APBA1: variants seen among roughly 807,000 people sequenced by gnomAD.
APBA1 encodes amyloid beta precursor protein binding family A member 1, also known as amyloid-beta A4 precursor protein-binding family A member 1.
Under a neutral mutation model 86.6 loss-of-function variants are expected in APBA1, and 55 were observed. The observed-to-expected ratio is 0.64, with a 90% CI of 0.51 to 0.80. The LOEUF (loss-of-function observed/expected upper bound fraction) is 0.80, where lower values mean the gene tolerates loss of function less well. Among genes scored for constraint, APBA1 ranks in the 30% least tolerant of loss-of-function variants. APBA1 has a pLI of 0.00. For synonymous variants in APBA1, 511 were observed against 493.9 expected, an observed-to-expected ratio of 1.03 and a Z score of -0.46; for missense variants, 1,090 against 1,183.0, an observed-to-expected ratio of 0.92 and a Z score of 1.15.
intron 1 of APBA1, among the ~76,000 whole-genome samples, chr9:69,554,434 T>G (rs1588359999): frequency 6.6e-6 from 1 of 152,228 alleles, no homozygotes; most frequent in East Asian, 1.9e-4. Context: ...GCACCATATA[T>G]TCTATACTTG....
intron 1 of APBA1, among the ~76,000 whole-genome samples, chr9:69,558,231 T>C (rs1836892239): frequency 6.6e-6 from 1 of 152,156 alleles, no homozygotes; most frequent in Non-Finnish European, 1.5e-5. Flanking sequence ...CCCCTTTGCT[T>C]TGTGTTATTT....
chr9:69,591,108 G>A (rs1461168006), intron 1 of APBA1, among the ~76,000 whole-genome samples: 1 of 152,160 alleles, frequency 6.6e-6, no homozygotes, highest in Non-Finnish European at 1.5e-5. Context: ...GGCAGCCGAG[G>A]GAGGAGAGAG....
chr9:69,545,034 C>T (rs9314701), intron 1 of APBA1, among the ~76,000 whole-genome samples: 6,195 of 152,314 alleles, frequency 0.041, 451 homozygotes, highest in African/African-American at 0.14. Context: ...TTTCTTCCCC[C>T]TGGCCTTAGC....
chr9:69,577,211 A>G (rs1821820945), intron 1 of APBA1, among the ~76,000 whole-genome samples: 1 of 152,350 alleles, frequency 6.6e-6, no homozygotes, highest in East Asian at 1.9e-4. Flanking sequence ...ATAGAAGACT[A>G]GAATTTACTC....
chr9:69,512,438 C>A (rs942499332), intron 2 of APBA1, among the ~76,000 whole-genome samples: 2 of 152,170 alleles, frequency 1.3e-5, no homozygotes, highest in African/African-American at 4.8e-5. Context: ...CGGTGGCTGA[C>A]AAATGGCAAT....
At chr9:69,577,305 T>C (rs1222334653) in intron 1 of APBA1, among the ~76,000 whole-genome samples, 1 of 152,228 alleles carries the variant, frequency 6.6e-6, no homozygotes, top group Non-Finnish European at 1.5e-5. Flanking sequence ...TGAGTCATCA[T>C]GAGTAGACAG....
chr9:69,634,982 CT>C (rs1374540259), intron 1 of APBA1, among the ~76,000 whole-genome samples: 2 of 152,078 alleles, frequency 1.3e-5, no homozygotes, highest in African/African-American at 4.8e-5. Flanking sequence ...AAAGAAAGTA[CT>C]TCAGTCTGAA....
chr9:69,629,768 G>A (rs1175789562), intron 1 of APBA1, among the ~76,000 whole-genome samples: 2 of 152,148 alleles, frequency 1.3e-5, no homozygotes, highest in Non-Finnish European at 1.5e-5. Context: ...AGACTATCAG[G>A]GTCCCTGCTT....
intron 1 of APBA1, among the ~76,000 whole-genome samples, chr9:69,520,755 C>G (rs529029401): frequency 6.6e-5 from 10 of 152,148 alleles, no homozygotes; most frequent in Non-Finnish European, 1.3e-4. Context: ...ACTGAATCAT[C>G]TCCTTCCCTT....
rs1011839251 is a variant in APBA1, at chr9:69,622,844, C to A, written c.-70+49309G>T. On this transcript the variant is annotated intron_variant, in intron 1 of 12. Coordinates refer to ENST00000265381, the MANE Select transcript of APBA1 (RefSeq NM_001163.4). ...AGGGATGATTGGTATAATTTCCCAA[C>A]TTCTCATGACAAACCCTTCTGATGT... 4.6e-5 allele frequency among the ~76,000 whole-genome samples: 7 copies of A among 152,178 alleles called. No individual in the cohort carries two copies. In the South Asian group the frequency reaches 6.2e-4, roughly 13 times the overall value.
At chr9:69,441,346 A>G (rs1056030540) in intron 10 of APBA1, among the ~76,000 whole-genome samples, 3 of 152,132 alleles carry the variant, frequency 2.0e-5, no homozygotes, top group African/African-American at 7.2e-5. Context: ...CCACGCACAG[A>G]TGGGGTTCCT....
intron 1 of APBA1, among the ~76,000 whole-genome samples, chr9:69,643,050 TC>T (rs1823321567): frequency 6.8e-6 from 1 of 147,052 alleles, no homozygotes; most frequent in South Asian, 2.2e-4. Context: ...ACACCCCTCC[TC>T]CCCCCTCCAC....
chr9:69,608,624 T>C lies in APBA1; in HGVS notation c.-70+63529A>G, dbSNP rs142066278. 2.6e-5 allele frequency among the ~76,000 whole-genome samples: 4 copies of C among 152,304 alleles called. No individual in the cohort carries two copies. In the East Asian group the frequency reaches 7.7e-4, roughly 29 times the overall value. On this transcript the variant is annotated intron_variant, in intron 1 of 12. Coordinates refer to ENST00000265381, the MANE Select transcript of APBA1 (RefSeq NM_001163.4). ...ACATAAAAGAGGGCACAAAGGAACA[T>C]CTGTAAATACTGTTGCCTTTAAGAG...
At chr9:69,553,384 T>C (rs575256803) in intron 1 of APBA1, among the ~76,000 whole-genome samples, 5 of 152,280 alleles carry the variant, frequency 3.3e-5, no homozygotes, top group African/African-American at 1.2e-4. Context: ...CTTACCCCTA[T>C]AGGTAACTGC....
intron 3 of APBA1, among the ~76,000 whole-genome samples, chr9:69,474,068 T>A (rs1221536558): frequency 6.6e-6 from 1 of 152,246 alleles, no homozygotes; most frequent in Non-Finnish European, 1.5e-5. Flanking sequence ...GAACATCAGT[T>A]GATCCTTAAC....
At chr9:69,608,779 T>A (rs564579756) in intron 1 of APBA1, among the ~76,000 whole-genome samples, 7 of 152,198 alleles carry the variant, frequency 4.6e-5, no homozygotes, top group African/African-American at 1.7e-4. Flanking sequence ...CACATTCCTA[T>A]CAAGTACACT....
chr9:69,626,590 G>GA (rs1323083511), intron 1 of APBA1, among the ~76,000 whole-genome samples: 6 of 152,068 alleles, frequency 3.9e-5, no homozygotes, highest in Non-Finnish European at 7.4e-5. Flanking sequence ...ATATGGAATA[G>GA]AAAAAAACAA....
Position 69,467,942 on chromosome 9 carries a change from A to G in APBA1, c.1363T>C (p.Leu455=), listed in dbSNP as rs868272405. The G allele has an allele frequency of 1.2e-6, 2 of 1,614,180 alleles. No homozygotes were observed. The highest frequency in any genetic ancestry group is 1.6e-4 in the Middle Eastern group (1 of 6,062). Residue 455 remains leucine (L), a synonymous_variant, in exon 5 of 13, where the codon TTG becomes CTG. Transcript: ENST00000265381. The part of the protein sequence containing the change: ...EVPGPCDPED[L]IDGIIFAANY... ...GCGGCAAAAATGATTCCATCGATCAAGTCTTCGGGGTCGCAGGGTCCCGGA... is the reference window on the plus strand; with the variant it reads ...GCGGCAAAAATGATTCCATCGATCAGGTCTTCGGGGTCGCAGGGTCCCGGA...
At chr9:69,639,682 T>C (rs1402178831) in intron 1 of APBA1, among the ~76,000 whole-genome samples, 5 of 152,160 alleles carry the variant, frequency 3.3e-5, no homozygotes, top group Admixed American at 6.5e-5. Flanking sequence ...GCAAACCAAC[T>C]CCTTATTTTG....
Sources: allele counts gnomAD v4.1 joint callset (sites outside exome capture counted in the v4.1 genomes callset), GRCh38; gene constraint gnomAD v4.1.1; transcripts MANE v1.5; gene names NCBI Gene and HGNC (gene_info 2026-07-23, HGNC 2026-07-21).